The following TANGO6 variants were observed in gnomAD, a reference collection of about 807,000 sequenced individuals.
The protein encoded by TANGO6 is transport and Golgi organization protein 6 homolog.
In TANGO6, 90 loss-of-function variants were observed where a neutral mutation model predicts 114.2. That is an observed-to-expected ratio of 0.79 (90% CI 0.66 to 0.94). The LOEUF is 0.94. TANGO6 is among the 40% of genes least tolerant of loss of function. The probability of loss-of-function intolerance (pLI) is 0.00; values close to 1 mark genes in which losing one functional copy is unlikely to be tolerated. For missense variants in TANGO6, 1,274 were observed against 1,315.3 expected (o/e 0.97, Z 0.49); for synonymous variants, 477 against 509.8 (o/e 0.94, Z 0.87).
chr16:69,028,617 C>T (rs111404864), intron 16 of TANGO6, among the ~76,000 whole-genome samples: 3 of 151,480 alleles, frequency 2.0e-5, no homozygotes, highest in Non-Finnish European at 4.4e-5. Context: ...TGGGTGACAG[C>T]GCGAGACTTT....
chr16:68,900,499 G>C lies in TANGO6; in HGVS notation c.1443G>C (p.Val481=). The change falls in exon 8 of 18, where the codon GTG becomes GTC. Residue 481 remains valine, a synonymous_variant. Coordinates refer to ENST00000261778, the MANE Select transcript of TANGO6 (RefSeq NM_024562.2). ...ATTCCCTGCTTCCAGTCCTGGGAGTGCTTTTTCTTCTCTACTGTTTTACTA... is the reference window on the plus strand; with the variant it reads ...ATTCCCTGCTTCCAGTCCTGGGAGTCCTTTTTCTTCTCTACTGTTTTACTA... The part of the protein sequence containing the change: ...LMDSLLPVLG[V]LFLLYCFTKQ... 6.2e-7 allele frequency: 1 copy of C among 1,613,958 alleles called. No individual in the cohort carries two copies. The highest frequency in any genetic ancestry group is 8.5e-7 in the Non-Finnish European group (1 of 1,179,886).
chr16:68,962,929 GAA>G (rs764209359), intron 14 of TANGO6, among the ~76,000 whole-genome samples: 3 of 128,326 alleles, frequency 2.3e-5, no homozygotes, highest in East Asian at 2.3e-4. Flanking sequence ...CTCAAAATAT[GAA>G]AAAAAAAAAA....
At position 69,078,764 on chromosome 16, in the gene TANGO6, CAG is replaced by C. The variant is rs903261201; in HGVS notation, c.3109-4718_3109-4717del. 6.2e-4 allele frequency among the ~76,000 whole-genome samples: 94 copies of C among 152,084 alleles called. No homozygotes were observed. In the Middle Eastern group the frequency reaches 0.01, roughly 17 times the overall value. Reference sequence around the variant, plus strand: ...TTATTTTTATTTTTATTTTTTGAGACAGAGTCTTGCTCTGTCACGCATGCTGG... The same window carrying C: ...TTATTTTTATTTTTATTTTTTGAGACAGTCTTGCTCTGTCACGCATGCTGG... On this transcript the variant is annotated intron_variant, in intron 17 of 17. Transcript: ENST00000261778.
intron 12 of TANGO6, among the ~76,000 whole-genome samples, chr16:68,927,157 T>C (rs1236570745): frequency 6.6e-6 from 1 of 152,212 alleles, no homozygotes; most frequent in Non-Finnish European, 1.5e-5. Context: ...CAGCCTTATC[T>C]TTTCAAGGGA....
intron 13 of TANGO6, 66 bp downstream of exon 13, chr16:68,928,149 T>C: frequency 1.4e-6 from 2 of 1,466,272 alleles, no homozygotes; most frequent in Non-Finnish European, 9.0e-7. Flanking sequence ...TCAAGTATTT[T>C]TGGAGCCTGG....
intron 7 of TANGO6, among the ~76,000 whole-genome samples, chr16:68,899,192 C>T (rs923266415): frequency 6.6e-5 from 10 of 151,968 alleles, no homozygotes; most frequent in African/African-American, 1.4e-4. Context: ...GAATATCACT[C>T]GAGCTTGGAG....
At chr16:69,019,296 T>G (rs755713994) in intron 15 of TANGO6, among the ~76,000 whole-genome samples, 2 of 152,228 alleles carry the variant, frequency 1.3e-5, no homozygotes, top group Non-Finnish European at 2.9e-5. Flanking sequence ...GAGATGACAA[T>G]TCAAATCTCC....
intron 15 of TANGO6, among the ~76,000 whole-genome samples, 169 bp downstream of exon 15, chr16:68,974,337 C>T (rs1963739972): frequency 6.6e-6 from 1 of 152,192 alleles, no homozygotes; most frequent in Non-Finnish European, 1.5e-5. Context: ...TACTATGAGA[C>T]TGAAAGCAAC....
intron 12 of TANGO6, among the ~76,000 whole-genome samples, chr16:68,922,951 T>TTG (rs958883822): frequency 1.6e-4 from 22 of 140,416 alleles, no homozygotes; most frequent in Non-Finnish European, 3.3e-4. Context: ...TTTTTTTTTT[T>TTG]TTTTTTTTTT....
chr16:68,895,274 G>A (rs1446637968), intron 7 of TANGO6, among the ~76,000 whole-genome samples: 1 of 152,074 alleles, frequency 6.6e-6, no homozygotes, highest in Non-Finnish European at 1.5e-5. Context: ...GCTTGAACCC[G>A]GAAGGTGTAG....
chr16:69,007,413 G>C (rs1964102727), intron 15 of TANGO6, among the ~76,000 whole-genome samples: 1 of 151,762 alleles, frequency 6.6e-6, no homozygotes, highest in Non-Finnish European at 1.5e-5. Context: ...GGGACTACAG[G>C]CACGTGCCAC....
chr16:69,016,200 T>C (rs546514033), intron 15 of TANGO6, among the ~76,000 whole-genome samples: 2 of 152,234 alleles, frequency 1.3e-5, no homozygotes, highest in Admixed American at 6.5e-5. Flanking sequence ...ACTGAGAACA[T>C]TGGCACATTG....
chr16:68,992,863 G>T (rs1045546699), intron 15 of TANGO6, among the ~76,000 whole-genome samples: 1 of 152,172 alleles, frequency 6.6e-6, no homozygotes, highest in African/African-American at 2.4e-5. Flanking sequence ...GAGGTCAGGA[G>T]TTCAAGACCA....
intron 11 of TANGO6, among the ~76,000 whole-genome samples, chr16:68,911,697 A>T (rs1325391467): frequency 6.6e-6 from 1 of 152,062 alleles, no homozygotes; most frequent in Non-Finnish European, 1.5e-5. Context: ...TACAGGCATG[A>T]GCCACTGTGC....
intron 14 of TANGO6, among the ~76,000 whole-genome samples, chr16:68,967,861 A>C (rs1963660997): frequency 6.6e-6 from 1 of 152,056 alleles, no homozygotes; most frequent in Admixed American, 6.6e-5. Flanking sequence ...CTTCCCTGTT[A>C]ATGCAAGAGT....
intron 11 of TANGO6, 93 bp downstream of exon 11, chr16:68,909,495 T>C: frequency 2.5e-6 from 3 of 1,191,194 alleles, no homozygotes; most frequent in Non-Finnish European, 3.3e-6. Flanking sequence ...TGATGACACC[T>C]GGATCATGAG....
rs142254866 is a variant in TANGO6, at chr16:69,072,083, C to CGT, written c.3109-11387_3109-11386dup. Among the ~76,000 whole-genome samples, 74 of 65,062 alleles carry CGT rather than the reference C, an allele frequency of 1.1e-3. 3 individuals carry two copies. The highest frequency in any genetic ancestry group is 1.6e-3 in the African/African-American group (25 of 16,068). The allele number at this position is 65,062 out of a possible 152,430, so 42.7% of individuals were successfully genotyped here. On this transcript the variant is annotated intron_variant, in intron 17 of 17. Transcript: ENST00000261778. ...TGTGTGTGTGTAGAGAGAGGGAGAC[C>CGT]GTGTGTGTGTGTGTGTATGTGTGAA... is the stretch of plus-strand genomic sequence containing the variant.
chr16:68,935,149 G>A (rs1277920126), intron 14 of TANGO6, among the ~76,000 whole-genome samples: 2 of 152,170 alleles, frequency 1.3e-5, no homozygotes, highest in Non-Finnish European at 2.9e-5. Flanking sequence ...TGGGCCTAAA[G>A]CACTACAGGA....
chr16:68,926,425 T>C (rs528176631), intron 12 of TANGO6, among the ~76,000 whole-genome samples: 3 of 149,938 alleles, frequency 2.0e-5, no homozygotes, highest in South Asian at 4.3e-4. Flanking sequence ...ACCCGGGAGG[T>C]GGAGGTTGCA....
Sources: allele counts gnomAD v4.1 joint callset (sites outside exome capture counted in the v4.1 genomes callset), GRCh38; gene constraint gnomAD v4.1.1; transcripts MANE v1.5; gene names NCBI Gene and HGNC (gene_info 2026-07-23, HGNC 2026-07-21).